The following PATJ variants were observed in gnomAD, a reference collection of about 807,000 sequenced individuals.
The protein encoded by PATJ is inaD-like protein.
A neutral mutation model predicts 224.9 loss-of-function variants in PATJ; 190 were observed. The observed-to-expected ratio is 0.84, with a 90% CI of 0.75 to 0.95. The LOEUF (loss-of-function observed/expected upper bound fraction) is 0.95, where lower values mean the gene tolerates loss of function less well. Among genes scored for constraint, PATJ ranks in the 40% least tolerant of loss-of-function variants. The pLI is 0.00. For synonymous variants in PATJ, 769 were observed against 820.3 expected (o/e 0.94, Z 1.07); for missense variants, 2,121 against 2,270.3 (o/e 0.93, Z 1.34).
intron 5 of PATJ, among the ~76,000 whole-genome samples, chr1:61,770,489 A>G (rs1293108172): frequency 6.6e-6 from 1 of 152,216 alleles, no homozygotes; most frequent in Non-Finnish European, 1.5e-5. Context: ...TGTGAGGATT[A>G]TGTGAGATAA....
chr1:62,155,884 C>T (rs1023026577), intron 43 of PATJ, among the ~76,000 whole-genome samples: 1 of 150,516 alleles, frequency 6.6e-6, no homozygotes, highest in Non-Finnish European at 1.5e-5. Flanking sequence ...AGTGAAATCC[C>T]GTCTCTACTA....
At chr1:61,873,038 T>G (rs573971483) in intron 20 of PATJ, among the ~76,000 whole-genome samples, 6 of 152,306 alleles carry the variant, frequency 3.9e-5, no homozygotes, top group African/African-American at 1.4e-4. Flanking sequence ...AAAACAAAAT[T>G]CACATTTTGT....
chr1:62,037,800 T>C (rs1175418119), intron 29 of PATJ, among the ~76,000 whole-genome samples, 177 bp from the exon 30 acceptor site: 5 of 152,152 alleles, frequency 3.3e-5, no homozygotes, highest in Admixed American at 2.0e-4. Flanking sequence ...TTTTTATGCA[T>C]AGTAACTTTG....
intron 22 of PATJ, among the ~76,000 whole-genome samples, chr1:61,885,921 G>T (rs549912105): frequency 4.7e-5 from 7 of 147,850 alleles, no homozygotes; most frequent in African/African-American, 1.8e-4. Context: ...GTAAACTATC[G>T]CAAGGAGAAA....
At chr1:61,788,319 C>T (rs11207838) in intron 8 of PATJ, among the ~76,000 whole-genome samples, 24,661 of 151,978 alleles carry the variant, frequency 0.16, 2,430 homozygotes, top group East Asian at 0.47. Flanking sequence ...CTGGTAGCCA[C>T]AGGCTGGTTA....
At chr1:61,802,539 A>G (rs961521915) in intron 12 of PATJ, among the ~76,000 whole-genome samples, 1 of 152,092 alleles carries the variant, frequency 6.6e-6, no homozygotes, top group African/African-American at 2.4e-5. Context: ...TTGGCCCCCC[A>G]AAGTGCTGAG....
intron 41 of PATJ, among the ~76,000 whole-genome samples, chr1:62,136,949 CT>C (rs1178565170): frequency 2.0e-5 from 3 of 152,142 alleles, no homozygotes; most frequent in African/African-American, 7.2e-5. Context: ...TCGCAGGAAC[CT>C]TTAGGAGAGT....
In PATJ at chr1:61,886,819, C is replaced by CAAAAAAAAA. The variant is rs35950461; in HGVS notation, c.3131+2415_3131+2423dup. 1.6e-3 allele frequency among the ~76,000 whole-genome samples: 141 copies of CAAAAAAAAA among 87,432 alleles called. 51 individuals carry two copies. Among genetic ancestry groups the CAAAAAAAAA allele is most frequent in the South Asian group, 3.0e-3 (10 of 3,318 alleles). 57.4% of individuals were successfully genotyped at this position (87,432 alleles called of 152,430 possible). ...TGGGCAACAGAGCAAGACCCCATCT[C>CAAAAAAAAA]AAAAAAAAAAAATTAGCCTGTTGTG... On this transcript the variant is annotated intron_variant, in intron 22 of 43. Transcript: ENST00000642238.
At chr1:61,841,021 A>G (rs1271466134) in intron 17 of PATJ, among the ~76,000 whole-genome samples, 1 of 152,146 alleles carries the variant, frequency 6.6e-6, no homozygotes, top group Non-Finnish European at 1.5e-5. Flanking sequence ...AGTGATAGCA[A>G]TATATAACTA....
chr1:62,112,399 G>A (rs1471781702), intron 34 of PATJ, among the ~76,000 whole-genome samples: 3 of 152,130 alleles, frequency 2.0e-5, no homozygotes, highest in South Asian at 2.1e-4. Context: ...CCAGCTGCTC[G>A]GGAGTCTGAG....
Position 61,937,534 on chromosome 1 carries a change from C to T in PATJ, c.3670+9705C>T, listed in dbSNP as rs190310527. ...ATTTAAGGTAATTTAAATCCATCTG[C>T]TTGCTAGGTGGAATAGTCTTTAAAA... On this transcript the variant is annotated intron_variant, in intron 27 of 43. Transcript: ENST00000642238. Among the ~76,000 whole-genome samples, 556 of 151,864 alleles carry T rather than the reference C, an allele frequency of 3.7e-3. 4 individuals carry two copies. Among genetic ancestry groups the T allele is most frequent in the Middle Eastern group, 0.031 (9 of 294 alleles).
intron 31 of PATJ, among the ~76,000 whole-genome samples, chr1:62,052,700 A>G (rs1653849136): frequency 6.6e-6 from 1 of 151,954 alleles, no homozygotes. Flanking sequence ...AGCCAAGATC[A>G]CGCCATTGCA....
intron 28 of PATJ, among the ~76,000 whole-genome samples, chr1:62,015,128 CA>C (rs1338970113): frequency 6.6e-6 from 1 of 151,652 alleles, no homozygotes; most frequent in Non-Finnish European, 1.5e-5. Flanking sequence ...AGTGAAACCC[CA>C]TCTCTACTAA....
chr1:61,829,479 G>T (rs968446085), intron 16 of PATJ, among the ~76,000 whole-genome samples: 1 of 152,094 alleles, frequency 6.6e-6, no homozygotes, highest in Non-Finnish European at 1.5e-5. Context: ...CTGACTCTCT[G>T]CCCCCGTCTG....
rs1570743020 is a variant in PATJ at position 61,827,394 on chromosome 1, G to T, written c.1819-28G>T. 3.1e-6 allele frequency: 5 copies of T among 1,603,128 alleles called. No homozygotes were observed. The African/African-American group carries it at 4.0e-5, about 13-fold the overall frequency. The stretch of plus-strand genomic sequence containing the variant: ...TGTTTTTTCATTTGGGGCTGGCTCA[G>T]TTCTGACTTATCCCCTTGTCTTCCT... On this transcript the variant is annotated intron_variant, in intron 15 of 43. Transcript: ENST00000642238.
rs918327481 is a variant in PATJ, at chr1:62,114,193, G to T, written c.4602G>T (p.Val1534=). ...AGGAGAACTTGGAGATTTTCCCTGT[G>T]GATCTGCAGAAGAAAGCTGGCCGGG... is the stretch of plus-strand genomic sequence containing the variant. ...RDEENLEIFP[V]DLQKKAGRGL... is the part of the protein sequence containing the mutation. Residue 1534 remains valine (V), a synonymous_variant, in exon 35 of 44, where the codon GTG becomes GTT. Transcript: ENST00000642238. 3.1e-6 allele frequency: 5 copies of T among 1,614,014 alleles called. No homozygotes were observed. In the African/African-American group the frequency reaches 6.7e-5, roughly 22 times the overall value.
chr1:61,867,185 C>G (rs1361898894), intron 20 of PATJ, among the ~76,000 whole-genome samples: 1 of 152,120 alleles, frequency 6.6e-6, no homozygotes, highest in East Asian at 1.9e-4. Flanking sequence ...CTCATTTTAC[C>G]CAGCGCTATT....
intron 14 of PATJ, among the ~76,000 whole-genome samples, chr1:61,809,652 G>A (rs1036950842): frequency 6.6e-6 from 1 of 152,000 alleles, no homozygotes; most frequent in Non-Finnish European, 1.5e-5. Flanking sequence ...CTCCCAAAGT[G>A]CTGGGATTAC....
chr1:61,761,777 T>C (rs1213373102), intron 1 of PATJ, among the ~76,000 whole-genome samples: 1 of 151,722 alleles, frequency 6.6e-6, no homozygotes, highest in Non-Finnish European at 1.5e-5. Flanking sequence ...CCTCAACCTC[T>C]TGGGCTCAAG....
Sources: allele counts gnomAD v4.1 joint callset (sites outside exome capture counted in the v4.1 genomes callset), GRCh38; gene constraint gnomAD v4.1.1; transcripts MANE v1.5; gene names NCBI Gene and HGNC (gene_info 2026-07-23, HGNC 2026-07-21).